Variants in SMAD6 observed in about 807,000 individuals in gnomAD.
The protein encoded by SMAD6 is SMAD family member 6.
Under a neutral mutation model 39.4 loss-of-function variants are expected in SMAD6, and 103 were observed. The ratio of observed to expected loss-of-function variants is 2.62; its 90% confidence interval spans 2.23 to 3.08. SMAD6 has a LOEUF of 3.08. Ranked by LOEUF, SMAD6 falls within the 30% of genes most tolerant of loss-of-function variation. The pLI is 0.00. For missense variants in SMAD6, 1,104 were observed against 742.9 expected, an observed-to-expected ratio of 1.49 and a Z score of -5.65; for synonymous variants, 445 against 353.3, an observed-to-expected ratio of 1.26 and a Z score of -2.91.
chr15:66,712,443 C>G (rs1425896499), intron 2 of SMAD6, among the ~76,000 whole-genome samples: 1 of 152,054 alleles, frequency 6.6e-6, no homozygotes, highest in Non-Finnish European at 1.5e-5. Flanking sequence ...CTTTGGGAGG[C>G]CAAGGAGGAC....
In SMAD6 at chr15:66,703,474, G is replaced by A; in HGVS notation, c.216G>A (p.Val72=). The change falls in exon 1 of 4, where the codon GTG becomes GTA. Residue 72 remains valine, a synonymous_variant. Coordinates refer to ENST00000288840, the MANE Select transcript of SMAD6 (RefSeq NM_005585.5). The part of the protein sequence containing the change: ...PVAPRRPRDA[V]GQRGAQGAGR... ...CCCCGCGGCGGCCCCGGGACGCAGT[G>A]GGACAGCGAGGCGCCCAGGGCGCGG... The A allele has an allele frequency of 8.1e-7, 1 of 1,240,718 alleles. No individual in the cohort carries two copies. The highest frequency in any genetic ancestry group is 4.0e-5 in the South Asian group (1 of 24,880). The allele number at this position is 1,240,718 out of a possible 1,614,324, so 76.9% of individuals were successfully genotyped here.
chr15:66,770,122 C>G (rs766115843), intron 3 of SMAD6, among the ~76,000 whole-genome samples: 1 of 152,176 alleles, frequency 6.6e-6, no homozygotes, highest in Non-Finnish European at 1.5e-5. Context: ...GCCACTGCGC[C>G]CGGCCGAGAA....
chr15:66,737,564 C>T (rs1332790547), intron 3 of SMAD6, among the ~76,000 whole-genome samples: 1 of 152,062 alleles, frequency 6.6e-6, no homozygotes, highest in African/African-American at 2.4e-5. Context: ...TGAGTGGGGT[C>T]CCGTCTTTCC....
At chr15:66,712,973 C>T (rs2140598328) in intron 2 of SMAD6, among the ~76,000 whole-genome samples, 1 of 152,284 alleles carries the variant, frequency 6.6e-6, no homozygotes, top group African/African-American at 2.4e-5. Flanking sequence ...TGCCACTACA[C>T]TCCAGTCTGG....
rs543621190 is a variant in SMAD6 at position 66,711,221 on chromosome 15, A to G, written c.818-447A>G. On this transcript the variant is annotated intron_variant, in intron 1 of 3. Coordinates refer to ENST00000288840, the MANE Select transcript of SMAD6 (RefSeq NM_005585.5). ...ACTCAAATGTAACTGAGCATCCGGT[A>G]TTTTATCCAGCAACCCTGGCTCTGA... Among the ~76,000 whole-genome samples, 58 of 152,304 alleles carry G rather than the reference A, an allele frequency of 3.8e-4. 2 individuals carry two copies. The South Asian group carries it at 0.011, about 28-fold the overall frequency.
chr15:66,754,564 A>T (rs547299831), intron 3 of SMAD6, among the ~76,000 whole-genome samples: 4 of 152,096 alleles, frequency 2.6e-5, no homozygotes, highest in Non-Finnish European at 5.9e-5. Context: ...TCTCATTTTC[A>T]TACCATTTAG....
rs12050805 is a variant in SMAD6, at chr15:66,717,784, G to C, written c.952+1286G>C. 7.7e-3 allele frequency among the ~76,000 whole-genome samples: 1,165 copies of C among 152,188 alleles called. 25 individuals carry two copies. The East Asian group carries it at 0.08, about 10-fold the overall frequency. On this transcript the variant is annotated intron_variant, in intron 3 of 3. Transcript: ENST00000288840. ...TGGTCCTGGGCTGCGGTGGTCCTGG[G>C]GTCCAGGTCTTCTGGGTCCTATTCC...
intron 3 of SMAD6, among the ~76,000 whole-genome samples, chr15:66,734,951 A>G (rs1384756984): frequency 4.6e-5 from 7 of 152,210 alleles, no homozygotes; most frequent in Non-Finnish European, 8.8e-5. Flanking sequence ...GGCATGGTAG[A>G]GTGTGGACCC....
Position 66,747,909 on chromosome 15 carries a change from T to C in SMAD6, c.952+31411T>C, listed in dbSNP as rs942594098. ...TGCAGAGATGGCCTAAAGTCTTCCC[T>C]GAGAGCCCTTTGCACCCCACTTCTC... On this transcript the variant is annotated intron_variant, in intron 3 of 3. Coordinates refer to ENST00000288840, the MANE Select transcript of SMAD6 (RefSeq NM_005585.5). The surrounding 1 kb of genome is among the most constrained non-coding windows in gnomAD (Gnocchi z 4.5). Among the ~76,000 whole-genome samples, 5 of 152,148 alleles carry C rather than the reference T, an allele frequency of 3.3e-5. No homozygotes were observed. The highest frequency in any genetic ancestry group is 1.2e-4 in the African/African-American group (5 of 41,440).
intron 3 of SMAD6, among the ~76,000 whole-genome samples, chr15:66,762,712 T>C (rs1389814327): frequency 6.6e-6 from 1 of 152,016 alleles, no homozygotes; most frequent in Admixed American, 6.6e-5. Flanking sequence ...TCCAGAGATA[T>C]AGATAAAGAA....
intron 1 of SMAD6, 55 bp downstream of exon 1, chr15:66,704,130 C>G: frequency 7.7e-7 from 1 of 1,291,772 alleles, no homozygotes; most frequent in Non-Finnish European, 1.0e-6. Flanking sequence ...CATCCCCTTC[C>G]GTGCCCTTCT....
chr15:66,756,820 A>G lies in SMAD6; in HGVS notation c.953-24177A>G, dbSNP rs113063144. Among the ~76,000 whole-genome samples the G allele has an allele frequency of 4.0e-3, 603 of 152,320 alleles. 5 individuals are homozygous for G. The highest frequency in any genetic ancestry group is 0.014 in the African/African-American group (571 of 41,572). On this transcript the variant is annotated intron_variant, in intron 3 of 3. Coordinates refer to ENST00000288840, the MANE Select transcript of SMAD6 (RefSeq NM_005585.5). ...AGCATGAGCTGTGTCCTCTGGACAG[A>G]GGTGAGGGTGGAGGATGGGAGGGAG... is the stretch of plus-strand genomic sequence containing the variant.
At chr15:66,751,987 G>A (rs1484298010) in intron 3 of SMAD6, among the ~76,000 whole-genome samples, 1 of 144,324 alleles carries the variant, frequency 6.9e-6, no homozygotes, top group East Asian at 2.2e-4. Context: ...TGTAAGGTAT[G>A]TTTTATTATA....
At chr15:66,748,184 T>G (rs1419503432) in intron 3 of SMAD6, among the ~76,000 whole-genome samples, 1 of 151,962 alleles carries the variant, frequency 6.6e-6, no homozygotes, top group African/African-American at 2.4e-5. Flanking sequence ...AAAAAATATG[T>G]GTGCTTGGTG....
intron 3 of SMAD6, among the ~76,000 whole-genome samples, chr15:66,759,020 G>A (rs1365950124): frequency 6.6e-6 from 1 of 152,194 alleles, no homozygotes; most frequent in African/African-American, 2.4e-5. Context: ...AGTCTCTGTT[G>A]CAACAATTCA....
intron 3 of SMAD6, among the ~76,000 whole-genome samples, chr15:66,750,001 G>A (rs558531123): frequency 7.4e-4 from 113 of 152,280 alleles, no homozygotes; most frequent in African/African-American, 2.7e-3. Flanking sequence ...AGATTAATGT[G>A]TACACATGGG....
chr15:66,704,265 G>A, intron 1 of SMAD6, 190 bp downstream of exon 1: 2 of 401,090 alleles, frequency 5.0e-6, no homozygotes, highest in Non-Finnish European at 4.4e-6. Flanking sequence ...CACACATCAA[G>A]TGGCAACTTT....
chr15:66,703,842 T>TGGAGTCCCGCGGCGGC lies in SMAD6; in HGVS notation c.586_601dup (p.Val201GlyfsTer107). The TGGAGTCCCGCGGCGGC allele has an allele frequency of 1.4e-6, 2 of 1,383,684 alleles. No homozygotes were observed. Among genetic ancestry groups the TGGAGTCCCGCGGCGGC allele is most frequent in the Non-Finnish European group, 1.9e-6 (2 of 1,056,922 alleles). 85.7% of individuals were successfully genotyped at this position (1,383,684 alleles called of 1,614,324 possible). On this transcript the variant is annotated frameshift_variant, in exon 1 of 4. Coordinates refer to ENST00000288840, the MANE Select transcript of SMAD6 (RefSeq NM_005585.5). LOFTEE classifies it high-confidence loss of function. ...TCGCTGGACACGCTGCTGGAGGCGG[T>TGGAGTCCCGCGGCGGC]GGAGTCCCGCGGCGGCGTGCCGGGC...
chr15:66,743,221 A>G (rs1260639231), intron 3 of SMAD6, among the ~76,000 whole-genome samples: 2 of 152,014 alleles, frequency 1.3e-5, no homozygotes, highest in Non-Finnish European at 2.9e-5. Flanking sequence ...GTGGCAGCTG[A>G]GTTTTCTTTC....
Sources: gnomAD v4.1 joint callset for allele counts (sites outside exome capture counted in the v4.1 genomes callset) on GRCh38, gnomAD v4.1.1 for gene constraint, Gnocchi (gnomAD v3.1) non-coding constraint, MANE v1.5 for transcripts, NCBI Gene and HGNC (gene_info 2026-07-23, HGNC 2026-07-21) for gene names.